Variants in NRDC observed in about 807,000 individuals in gnomAD.
NRDC encodes the protein nardilysin convertase, also known as nardilysin.
A neutral mutation model predicts 147.1 loss-of-function variants in NRDC; 54 were observed. The observed-to-expected ratio is 0.37, with a 90% CI of 0.29 to 0.46. The LOEUF is 0.46. Ranked by LOEUF, NRDC falls within the 20% of genes least tolerant of loss-of-function variation. The probability of loss-of-function intolerance (pLI) is 1.00; values close to 1 mark genes in which losing one functional copy is unlikely to be tolerated. For synonymous variants in NRDC, 440 were observed against 482.1 expected (o/e 0.91, Z 1.14); for missense variants, 1,082 against 1,370.6 (o/e 0.79, Z 3.33).
At chr1:51,800,465 T>C (rs1679142102) in intron 21 of NRDC, 91 bp downstream of exon 21, 2 of 1,399,950 alleles carry the variant, frequency 1.4e-6, no homozygotes, top group East Asian at 4.6e-5. Flanking sequence ...AAATTAGCAC[T>C]GCAACTATAG....
At chr1:51,791,371 G>A (rs1028503289) in intron 27 of NRDC, among the ~76,000 whole-genome samples, 2 of 152,166 alleles carry the variant, frequency 1.3e-5, no homozygotes, top group Non-Finnish European at 2.9e-5. Context: ...ATGACCACAG[G>A]ACTTGAATCA....
At chr1:51,847,062 GACATAAAGGT>G (rs1209147532) in intron 1 of NRDC, among the ~76,000 whole-genome samples, 6 of 152,052 alleles carry the variant, frequency 3.9e-5, no homozygotes, top group Admixed American at 1.3e-4. Flanking sequence ...CCTTTAGCTA[GACATAAAGGT>G]TCTCCAAGTC....
At chr1:51,869,680 C>T (rs567607074) in intron 1 of NRDC, among the ~76,000 whole-genome samples, 1 of 152,248 alleles carries the variant, frequency 6.6e-6, no homozygotes, top group Admixed American at 6.5e-5. Context: ...GTTGTACCAA[C>T]TTTTTACTAC....
At chr1:51,878,110 C>T (rs965674627) in intron 1 of NRDC, 165 bp downstream of exon 1, 2 of 1,426,634 alleles carry the variant, frequency 1.4e-6, no homozygotes, top group Admixed American at 5.7e-5. Flanking sequence ...GCTGACACCA[C>T]AGGGAAGCCT....
In NRDC at chr1:51,790,923, T is replaced by C; in HGVS notation, c.3028A>G (p.Thr1010Ala). 6 of 1,613,888 alleles carry C rather than the reference T, an allele frequency of 3.7e-6. No homozygotes were observed. Among genetic ancestry groups the C allele is most frequent in the Non-Finnish European group, 5.1e-6 (6 of 1,179,844 alleles). The change falls in exon 28 of 31, where the codon ACT becomes GCT. Residue 1010 changes from threonine (T) to alanine (A), a missense_variant. Coordinates refer to ENST00000352171, the MANE Select transcript of NRDC (RefSeq NM_001101662.2). The stretch of plus-strand genomic sequence containing the variant: ...ACCTGGGTGTTGAATGCCTCTTCAG[T>C]GAGGTTCTCAATCTTCTCCTCAAAG... ...SSFEEKIENL[T>A]EEAFNTQVTA...
At chr1:51,800,907 C>T (rs1679163356) in intron 20 of NRDC, 5 of 477,506 alleles carry the variant, frequency 1.0e-5, no homozygotes, top group African/African-American at 1.9e-5. Flanking sequence ...GTGGTACTAT[C>T]GACTGTAATT....
At position 51,789,591 on chromosome 1, in the gene NRDC, C is replaced by T. The variant is rs963291936; in HGVS notation, c.3235G>A (p.Gly1079Arg). Residue 1079 changes from glycine to arginine, a missense_variant, in exon 30 of 31, where the codon GGA (glycine) becomes AGA (arginine). Transcript: ENST00000352171. The stretch of plus-strand genomic sequence containing the variant: ...ACATGAACGCTGAGCATTTTACTTC[C>T]TGGCCCTCTATGGGCCTTGAACCAG... ...VNWFKAHRGP[G>R]SKMLSVHVVG... is the part of the protein sequence containing the mutation. 6.2e-7 allele frequency: 1 copy of T among 1,613,774 alleles called. No homozygotes were observed. The highest frequency in any genetic ancestry group is 8.5e-7 in the Non-Finnish European group (1 of 1,179,638).
chr1:51,833,097 A>G (rs1680790485), intron 4 of NRDC, among the ~76,000 whole-genome samples: 1 of 152,194 alleles, frequency 6.6e-6, no homozygotes, highest in Non-Finnish European at 1.5e-5. Flanking sequence ...GGTTATCTCT[A>G]GATTATAAAG....
In NRDC at chr1:51,831,582, C is replaced by CTT. The variant is rs1232005769; in HGVS notation, c.866+2433_866+2434dup. ...GCATTGCCTTCATTGATTTATCTTTCTTTTTTTTTTTTTTGAGACAGGGTC... is the reference window on the plus strand; with the variant it reads ...GCATTGCCTTCATTGATTTATCTTTCTTTTTTTTTTTTTTTTGAGACAGGGTC... On this transcript the variant is annotated intron_variant, in intron 4 of 30. Transcript: ENST00000352171. 4.5e-3 allele frequency among the ~76,000 whole-genome samples: 637 copies of CTT among 143,104 alleles called. 24 individuals are homozygous for CTT. The South Asian group carries it at 0.089, about 20-fold the overall frequency. The allele number at this position is 143,104 out of a possible 152,430, so 93.9% of individuals were successfully genotyped here.
rs772544413 is a variant in NRDC at position 51,789,219 on chromosome 1, A to T, written c.*17T>A. ...TTAAAATACACATTGCTTCAGGCCA[A>T]CGTGACTGCAGTTTATTTATTTGAC... On this transcript the variant is annotated 3_prime_UTR_variant, in exon 31 of 31. Transcript: ENST00000352171. 2.5e-6 allele frequency: 4 copies of T among 1,609,226 alleles called. No individual in the cohort carries two copies. In the Admixed American group the frequency reaches 6.7e-5, roughly 27 times the overall value.
intron 1 of NRDC, among the ~76,000 whole-genome samples, chr1:51,847,859 TG>T (rs532812399): frequency 6.8e-4 from 104 of 152,242 alleles, no homozygotes; most frequent in African/African-American, 2.3e-3. Context: ...ACAGCCAGAG[TG>T]GGCACCGAGG....
chr1:51,848,202 G>A (rs977635448), intron 1 of NRDC, among the ~76,000 whole-genome samples: 1 of 152,232 alleles, frequency 6.6e-6, no homozygotes, highest in Admixed American at 6.5e-5. Flanking sequence ...ACGGTGGGGC[G>A]CGGTGGCCCA....
chr1:51,873,928 C>T (rs962049167), intron 1 of NRDC, among the ~76,000 whole-genome samples: 1 of 151,874 alleles, frequency 6.6e-6, no homozygotes, highest in African/African-American at 2.4e-5. Flanking sequence ...GTAGCTCACA[C>T]CTGTAATCCC....
chr1:51,794,367 C>A, intron 24 of NRDC, 105 bp downstream of exon 24: 2 of 1,142,198 alleles, frequency 1.8e-6, no homozygotes, highest in Non-Finnish European at 2.5e-6. Context: ...CAAATGGCCC[C>A]AAGCATGAAA....
At chr1:51,825,475 T>A (rs912262069) in intron 5 of NRDC, 93 bp from the exon 6 acceptor site, 1 of 913,034 alleles carries the variant, frequency 1.1e-6, no homozygotes, top group African/African-American at 1.7e-5. Context: ...AGCAAGGAAT[T>A]AACAAAATTA....
intron 1 of NRDC, chr1:51,862,153 C>T (rs934214267): frequency 1.3e-5 from 2 of 152,316 alleles, no homozygotes; most frequent in Middle Eastern, 3.4e-3. Flanking sequence ...GAAAATCTGG[C>T]ATGGTTATTT....
chr1:51,854,929 ACT>A (rs1294436643), intron 1 of NRDC, among the ~76,000 whole-genome samples: 3 of 152,188 alleles, frequency 2.0e-5, no homozygotes, highest in African/African-American at 7.2e-5. Context: ...TGGGGACTGA[ACT>A]CTGACTCCCC....
intron 1 of NRDC, among the ~76,000 whole-genome samples, chr1:51,860,781 C>T (rs1237231635): frequency 6.6e-6 from 1 of 152,180 alleles, no homozygotes; most frequent in Admixed American, 6.5e-5. Context: ...CTTACCACCA[C>T]CTTTATAATA....
chr1:51,817,522 C>T (rs1319835670), intron 10 of NRDC, among the ~76,000 whole-genome samples: 1 of 152,100 alleles, frequency 6.6e-6, no homozygotes, highest in East Asian at 1.9e-4. Context: ...GATTTATGTA[C>T]CCTAGTCATA....
Sources: gnomAD v4.1 joint callset for allele counts (sites outside exome capture counted in the v4.1 genomes callset) on GRCh38, gnomAD v4.1.1 for gene constraint, MANE v1.5 for transcripts, NCBI Gene and HGNC (gene_info 2026-07-23, HGNC 2026-07-21) for gene names.